The following RUSC2 variants were observed in gnomAD, a reference collection of about 807,000 sequenced individuals.
RUSC2 encodes the protein RUN and SH3 domain containing 2, also known as AP-4 complex accessory subunit RUSC2.
RUSC2 carries 34 observed loss-of-function variants against 122.2 expected under a neutral mutation model. That is an observed-to-expected ratio of 0.28 (90% CI 0.21 to 0.37). The LOEUF is 0.37. Ranked by LOEUF, RUSC2 falls within the 10% of genes least tolerant of loss-of-function variation. The pLI is 1.00. For missense variants in RUSC2, 1,747 were observed against 1,952.4 expected (o/e 0.89, Z 1.98); for synonymous variants, 784 against 790.0 (o/e 0.99, Z 0.13).
chr9:35,542,351 C>T (rs2132545306), intron 1 of RUSC2, among the ~76,000 whole-genome samples: 1 of 152,260 alleles, frequency 6.6e-6, no homozygotes, highest in East Asian at 1.9e-4. Context: ...TCTTTATGGT[C>T]TTAGGACAGG....
At chr9:35,491,091 A>C (rs1284804280) in intron 1 of RUSC2, among the ~76,000 whole-genome samples, 1 of 144,526 alleles carries the variant, frequency 6.9e-6, no homozygotes, top group Non-Finnish European at 1.6e-5. Context: ...TAAAGAACAC[A>C]GGCCTTAAAA....
intron 1 of RUSC2, among the ~76,000 whole-genome samples, chr9:35,534,613 C>A (rs1429688613): frequency 6.6e-6 from 1 of 152,200 alleles, no homozygotes; most frequent in African/African-American, 2.4e-5. Context: ...TCCCGAGTAG[C>A]TGGGATTACA....
At chr9:35,492,692 CAT>C (rs1450015386) in intron 1 of RUSC2, among the ~76,000 whole-genome samples, 2 of 149,758 alleles carry the variant, frequency 1.3e-5, no homozygotes, top group Non-Finnish European at 3.0e-5. Context: ...ATATATATAA[CAT>C]AGAATTTACC....
In RUSC2 at chr9:35,560,482, A is replaced by C; in HGVS notation, c.3842A>C (p.Tyr1281Ser). The C allele has an allele frequency of 1.2e-6, 2 of 1,614,212 alleles. No homozygotes were observed. Among genetic ancestry groups the C allele is most frequent in the South Asian group, 1.1e-5 (1 of 91,088 alleles). Residue 1281 changes from tyrosine (Y) to serine (S), a missense_variant, in exon 10 of 12, where the codon TAC becomes TCC. By Grantham distance (144) the Tyr-to-Ser change is moderately radical (BLOSUM62 -2). Coordinates refer to ENST00000361226, the MANE Select transcript of RUSC2 (RefSeq NM_014806.5). ...CAGCTCATGCAGAGCTCCCAGGTCT[A>C]CATCGATGGCTCCATTGAGGGTTCC... ...WYQLMQSSQV[Y>S]IDGSIEGSRF...
At chr9:35,498,465 G>A (rs1820761274) in intron 1 of RUSC2, among the ~76,000 whole-genome samples, 1 of 152,006 alleles carries the variant, frequency 6.6e-6, no homozygotes, top group South Asian at 2.1e-4. Flanking sequence ...CTTGACCCCG[G>A]GAGGCAGAGG....
chr9:35,504,958 C>T (rs542746405), intron 1 of RUSC2, among the ~76,000 whole-genome samples: 1 of 152,296 alleles, frequency 6.6e-6, no homozygotes, highest in South Asian at 2.1e-4. Context: ...GTTATACAAG[C>T]TGAATAAGTT....
intron 1 of RUSC2, among the ~76,000 whole-genome samples, chr9:35,514,656 C>T (rs10972498): frequency 0.35 from 53,911 of 151,914 alleles, 10,030 homozygotes; most frequent in South Asian, 0.41. Flanking sequence ...AAACCCAACA[C>T]TGGTGACTTA....
Position 35,548,169 on chromosome 9 carries a change from G to C in RUSC2, c.1648G>C (p.Gly550Arg). ...CACCTCCTTTGCCGAGCTGGCCAAG[G>C]GCCGGAAGAAAACTGGAGGCTCTGG... ...RVTSFAELAKGRKKTGGSGSP... is the reference protein window; with the variant it reads ...RVTSFAELAKRRKKTGGSGSP... Residue 550 changes from glycine to arginine, a missense_variant, in exon 2 of 12, where the codon GGC (glycine) becomes CGC (arginine). Physicochemically the swap from Gly to Arg is moderately radical, Grantham distance 125. Coordinates refer to ENST00000361226, the MANE Select transcript of RUSC2 (RefSeq NM_014806.5). The surrounding 1 kb of genome is among the most constrained non-coding windows in gnomAD (Gnocchi z 4.5). 1 of 1,613,334 alleles carries C rather than the reference G, an allele frequency of 6.2e-7. No individual in the cohort carries two copies. Among genetic ancestry groups the C allele is most frequent in the Non-Finnish European group, 8.5e-7 (1 of 1,180,008 alleles).
At chr9:35,502,477 C>A (rs1312807778) in intron 1 of RUSC2, among the ~76,000 whole-genome samples, 1 of 152,140 alleles carries the variant, frequency 6.6e-6, no homozygotes, top group African/African-American at 2.4e-5. Flanking sequence ...TTTTAGCTGT[C>A]CAGACTTTAA....
At chr9:35,492,972 T>G (rs541689530) in intron 1 of RUSC2, among the ~76,000 whole-genome samples, 1 of 152,168 alleles carries the variant, frequency 6.6e-6, no homozygotes, top group African/African-American at 2.4e-5. Context: ...ATAATGCCTT[T>G]TTTTGTTTTT....
At chr9:35,537,501 T>C (rs772766706) in intron 1 of RUSC2, among the ~76,000 whole-genome samples, 4 of 152,178 alleles carry the variant, frequency 2.6e-5, no homozygotes, top group Admixed American at 6.5e-5. Flanking sequence ...CTTTATAGGA[T>C]CAAGGGGCCA....
rs762004622 is a variant in RUSC2, at chr9:35,546,901, C to T, written c.380C>T (p.Thr127Ile). The T allele has an allele frequency of 5.7e-6, 9 of 1,581,358 alleles. No individual in the cohort carries two copies. In the South Asian group the frequency reaches 1.1e-4, roughly 19 times the overall value. Reference protein sequence around the residue: ...LYDDSIGDSATQQSFHLHGTG... With the variant: ...LYDDSIGDSAIQQSFHLHGTG... ...GATGACAGCATTGGTGACAGTGCCACCCAGCAGTCCTTCCACCTGCATGGC... is the reference window on the plus strand; with the variant it reads ...GATGACAGCATTGGTGACAGTGCCATCCAGCAGTCCTTCCACCTGCATGGC... Residue 127 changes from threonine (T) to isoleucine (I), a missense_variant, in exon 2 of 12, where the codon ACC (threonine) becomes ATC (isoleucine). Thr to Ile is a moderately conservative substitution (Grantham distance 89, BLOSUM62 -1). Coordinates refer to ENST00000361226, the MANE Select transcript of RUSC2 (RefSeq NM_014806.5). This position sits in a 1 kb window ranked among gnomAD's most constrained non-coding sequence, Gnocchi z 4.3.
chr9:35,552,984 A>G (rs370164629), intron 2 of RUSC2, among the ~76,000 whole-genome samples: 73 of 152,304 alleles, frequency 4.8e-4, no homozygotes, highest in African/African-American at 1.7e-3. Flanking sequence ...CATACTTTGT[A>G]TAGGGGGTAT....
chr9:35,544,316 T>G (rs1002678592), intron 1 of RUSC2, among the ~76,000 whole-genome samples: 1 of 147,070 alleles, frequency 6.8e-6, no homozygotes, highest in African/African-American at 2.5e-5. Context: ...TCTTTTTTTT[T>G]TTTTTTTTTT....
chr9:35,540,381 A>T (rs528085137), intron 1 of RUSC2, among the ~76,000 whole-genome samples: 1 of 152,274 alleles, frequency 6.6e-6, no homozygotes, highest in East Asian at 1.9e-4. Flanking sequence ...AAATAATTGT[A>T]AAAAAATTCC....
intron 1 of RUSC2, among the ~76,000 whole-genome samples, chr9:35,534,419 TACACACACACACACACACACAC>T (rs55836338): frequency 2.8e-5 from 4 of 140,926 alleles, no homozygotes; most frequent in South Asian, 2.3e-4. Context: ...CTACAAATAA[TACACACACACACACACACACAC>T]ACACACACAC....
At chr9:35,497,687 T>C (rs1017657146) in intron 1 of RUSC2, among the ~76,000 whole-genome samples, 1 of 152,204 alleles carries the variant, frequency 6.6e-6, no homozygotes, top group African/African-American at 2.4e-5. Context: ...ATTAATGATA[T>C]GCACACTCAT....
chr9:35,504,402 T>C (rs559508233), intron 1 of RUSC2, among the ~76,000 whole-genome samples: 4 of 152,284 alleles, frequency 2.6e-5, no homozygotes, highest in African/African-American at 9.6e-5. Flanking sequence ...TTGTTTCCTC[T>C]TCTCTGAAAT....
chr9:35,550,805 G>T (rs751893098), intron 2 of RUSC2, among the ~76,000 whole-genome samples: 2 of 152,072 alleles, frequency 1.3e-5, no homozygotes, highest in East Asian at 3.9e-4. Flanking sequence ...GCCGGGCATG[G>T]TGGCTCATGC....
Sources: gnomAD v4.1 joint callset for allele counts (sites outside exome capture counted in the v4.1 genomes callset) on GRCh38, gnomAD v4.1.1 for gene constraint, Gnocchi (gnomAD v3.1) non-coding constraint, MANE v1.5 for transcripts, NCBI Gene and HGNC (gene_info 2026-07-23, HGNC 2026-07-21) for gene names.